GSE1: variants seen among roughly 807,000 people sequenced by gnomAD.
The protein encoded by GSE1 is genetic suppressor element 1.
Under a neutral mutation model 112.6 loss-of-function variants are expected in GSE1, and 32 were observed. The observed-to-expected ratio is 0.28, with a 90% CI of 0.21 to 0.38. The LOEUF is 0.38. GSE1 is among the 10% of genes least tolerant of loss of function. The pLI, the probability that GSE1 is intolerant of heterozygous loss-of-function variation, is 1.00. For synonymous variants in GSE1, 1,115 were observed against 735.6 expected, an observed-to-expected ratio of 1.52 and a Z score of -8.35; for missense variants, 2,348 against 1,699.2, an observed-to-expected ratio of 1.38 and a Z score of -6.71.
rs140102632 is a variant in GSE1 at position 85,227,611 on chromosome 16, G to A, written c.2283+55804G>A. On this transcript the variant is annotated intron_variant, in intron 1 of 2. Transcript: ENST00000637419. ...GGAGAGCAGCGGGGAGGTTCTTGCA[G>A]GTTGGGGCTGGATGCCGGGTGGTTG... Among the ~76,000 whole-genome samples the A allele has an allele frequency of 1.5e-3, 233 of 152,308 alleles. 2 individuals are homozygous for A. The highest frequency in any genetic ancestry group is 5.4e-3 in the African/African-American group (225 of 41,562).
chr16:85,369,894 G>C (rs2047258816), intron 2 of GSE1, among the ~76,000 whole-genome samples: 1 of 152,204 alleles, frequency 6.6e-6, no homozygotes. Flanking sequence ...ATTCTGCAGG[G>C]GCAAACTGGG....
chr16:85,620,183 G>A (rs1193507758), intron 1 of GSE1, among the ~76,000 whole-genome samples: 1 of 152,202 alleles, frequency 6.6e-6, no homozygotes, highest in Non-Finnish European at 1.5e-5. Flanking sequence ...CTACTCAGGA[G>A]GCTGGGCAGG....
chr16:85,205,001 A>G (rs2075090749), intron 1 of GSE1, among the ~76,000 whole-genome samples: 1 of 152,224 alleles, frequency 6.6e-6, no homozygotes. Flanking sequence ...CTGAAAGGTA[A>G]CTTGCCCAAA....
At chr16:85,225,598 T>A (rs1597842157) in intron 1 of GSE1, among the ~76,000 whole-genome samples, 1 of 152,162 alleles carries the variant, frequency 6.6e-6, no homozygotes, top group Non-Finnish European at 1.5e-5. Context: ...GCTGGTGCGG[T>A]CACGGTCTTA....
chr16:85,424,663 A>T (rs2048926441), intron 2 of GSE1, among the ~76,000 whole-genome samples: 1 of 152,212 alleles, frequency 6.6e-6, no homozygotes, highest in Non-Finnish European at 1.5e-5. Flanking sequence ...GCTGCTTGGG[A>T]ACACCTGCTC....
intron 1 of GSE1, among the ~76,000 whole-genome samples, chr16:85,189,654 C>T (rs1028954757): frequency 1.3e-5 from 2 of 152,210 alleles, no homozygotes; most frequent in African/African-American, 4.8e-5. Flanking sequence ...GAATTACCTT[C>T]TTAAGTAGAT....
intron 1 of GSE1, among the ~76,000 whole-genome samples, chr16:85,309,362 C>T (rs971552434): frequency 1.3e-5 from 2 of 151,968 alleles, no homozygotes; most frequent in Non-Finnish European, 2.9e-5. Context: ...GGCATGGTGG[C>T]ACCTGTCTGT....
chr16:85,232,931 G>A (rs1418846213), intron 1 of GSE1, among the ~76,000 whole-genome samples: 2 of 152,272 alleles, frequency 1.3e-5, no homozygotes, highest in African/African-American at 2.4e-5. Context: ...AGCGTGCAAA[G>A]TGCATGAGCC....
chr16:85,420,513 G>C (rs1318086249), intron 2 of GSE1, among the ~76,000 whole-genome samples: 1 of 150,376 alleles, frequency 6.6e-6, no homozygotes, highest in East Asian at 1.9e-4. Context: ...GGCTTCCAGG[G>C]CCAAGGGGGG....
chr16:85,502,239 G>A (rs990998561), intron 2 of GSE1, among the ~76,000 whole-genome samples: 4 of 152,164 alleles, frequency 2.6e-5, no homozygotes, highest in Non-Finnish European at 5.9e-5. Context: ...CACCTCGTGC[G>A]TGAGGTTGTA....
At chr16:85,478,705 T>A (rs1481147810) in intron 2 of GSE1, among the ~76,000 whole-genome samples, 1 of 150,400 alleles carries the variant, frequency 6.6e-6, no homozygotes, top group Non-Finnish European at 1.5e-5. Flanking sequence ...TCTGGCTCTG[T>A]CGCCCAGGCT....
intron 2 of GSE1, among the ~76,000 whole-genome samples, chr16:85,523,695 G>T (rs57881068): frequency 6.6e-6 from 1 of 152,222 alleles, no homozygotes; most frequent in Admixed American, 6.5e-5. Flanking sequence ...CTGGGTTCCA[G>T]TGTCACTGCA....
rs181482969 is a variant in GSE1, at chr16:85,193,909, C to T, written c.2283+22102C>T. On this transcript the variant is annotated intron_variant, in intron 1 of 2. Transcript: ENST00000637419. ...AATGCCACAGTCAGGGCACTGACGT[C>T]GACAGTCCATAGATCTTATTCCGAC... Among the ~76,000 whole-genome samples, 81 of 152,278 alleles carry T rather than the reference C, an allele frequency of 5.3e-4. 1 individual carries two copies. The East Asian group carries it at 0.013, about 25-fold the overall frequency.
intron 2 of GSE1, among the ~76,000 whole-genome samples, chr16:85,420,289 C>G (rs978157776): frequency 6.6e-6 from 1 of 152,142 alleles, no homozygotes; most frequent in East Asian, 1.9e-4. Flanking sequence ...CCTAGTACCT[C>G]TGGAGGGAGT....
intron 1 of GSE1, among the ~76,000 whole-genome samples, chr16:85,572,081 C>T (rs545171990): frequency 6.6e-6 from 1 of 150,448 alleles, no homozygotes; most frequent in Admixed American, 6.6e-5. Flanking sequence ...ACCACACCCC[C>T]CCACACCCCA....
intron 1 of GSE1, among the ~76,000 whole-genome samples, chr16:85,289,591 C>G (rs1271421050): frequency 6.6e-6 from 1 of 152,212 alleles, no homozygotes; most frequent in African/African-American, 2.4e-5. Flanking sequence ...GGGCCACAGA[C>G]CACACTTTGA....
chr16:85,630,842 C>T (rs571942680), intron 1 of GSE1, among the ~76,000 whole-genome samples: 1 of 152,278 alleles, frequency 6.6e-6, no homozygotes, highest in South Asian at 2.1e-4. Flanking sequence ...GTTTCCCCAT[C>T]TGTACGCTAG....
intron 2 of GSE1, among the ~76,000 whole-genome samples, chr16:85,420,550 G>C (rs547571524): frequency 3.2e-4 from 49 of 152,280 alleles, no homozygotes; most frequent in African/African-American, 1.1e-3. Context: ...TGGTCACTCA[G>C]GGCCCATGTG....
intron 1 of GSE1, among the ~76,000 whole-genome samples, chr16:85,628,646 CTT>C (rs958165694): frequency 5.9e-5 from 9 of 152,204 alleles, no homozygotes; most frequent in Non-Finnish European, 1.0e-4. Flanking sequence ...CAGCCCCACG[CTT>C]TTGTTGGCGG....
Sources: gnomAD v4.1 joint callset for allele counts (sites outside exome capture counted in the v4.1 genomes callset) on GRCh38, gnomAD v4.1.1 for gene constraint, MANE v1.5 for transcripts, NCBI Gene and HGNC (gene_info 2026-07-23, HGNC 2026-07-21) for gene names.